The following NEDD4L variants were observed in gnomAD, a reference collection of about 807,000 sequenced individuals.
The protein encoded by NEDD4L is E3 ubiquitin-protein ligase NEDD4-like.
NEDD4L carries 54 observed loss-of-function variants against 148.9 expected under a neutral mutation model. That is an observed-to-expected ratio of 0.36 (90% CI 0.29 to 0.45). The LOEUF is 0.45. Ranked by LOEUF, NEDD4L falls within the 20% of genes least tolerant of loss-of-function variation. The probability of loss-of-function intolerance (pLI) is 1.00; values close to 1 mark genes in which losing one functional copy is unlikely to be tolerated. For synonymous variants in NEDD4L, 433 were observed against 440.7 expected (o/e 0.98, Z 0.22); for missense variants, 856 against 1,233.8 (o/e 0.69, Z 4.59).
At chr18:58,255,771 C>G (rs867942697) in intron 5 of NEDD4L, 1 of 1,232,430 alleles carries the variant, frequency 8.1e-7, no homozygotes, top group Non-Finnish European at 1.0e-6. Flanking sequence ...AGAAGCAGCC[C>G]GCACCCCTTC....
chr18:58,267,976 G>A (rs2050461761), intron 5 of NEDD4L, among the ~76,000 whole-genome samples: 1 of 151,680 alleles, frequency 6.6e-6, no homozygotes, highest in Admixed American at 6.6e-5. Context: ...GTCGTTTTTT[G>A]CCCCTACTGT....
At chr18:58,251,673 C>A (rs909177245) in intron 4 of NEDD4L, among the ~76,000 whole-genome samples, 1 of 152,180 alleles carries the variant, frequency 6.6e-6, no homozygotes, top group Non-Finnish European at 1.5e-5. Context: ...CAGGCATAGA[C>A]ATTTTTTGAT....
intron 5 of NEDD4L, among the ~76,000 whole-genome samples, chr18:58,273,536 C>A (rs1191376263): frequency 1.3e-5 from 2 of 152,140 alleles, no homozygotes; most frequent in East Asian, 3.9e-4. Context: ...TTGCAGACTT[C>A]TTTTTATGTC....
At chr18:58,231,827 G>T (rs140716336) in intron 2 of NEDD4L, among the ~76,000 whole-genome samples, 135 of 152,222 alleles carry the variant, frequency 8.9e-4, no homozygotes, top group African/African-American at 3.2e-3. Flanking sequence ...GCCTCCCAAG[G>T]TGCTGGGATC....
intron 1 of NEDD4L, among the ~76,000 whole-genome samples, chr18:58,052,994 C>A (rs1334798329): frequency 1.3e-5 from 2 of 152,118 alleles, no homozygotes; most frequent in Admixed American, 1.3e-4. Flanking sequence ...GAAACCTGTT[C>A]TGTGAAGGTG....
At chr18:58,222,760 T>C (rs1447650724) in intron 2 of NEDD4L, among the ~76,000 whole-genome samples, 3 of 152,326 alleles carry the variant, frequency 2.0e-5, no homozygotes, top group African/African-American at 7.2e-5. Flanking sequence ...GTATCAACAA[T>C]ATGAAATATC....
At chr18:58,247,587 G>A (rs1405804150) in intron 3 of NEDD4L, 1 of 152,352 alleles carries the variant, frequency 6.6e-6, no homozygotes, top group Non-Finnish European at 1.5e-5. Context: ...TAGCTCTGTA[G>A]CTGGGTTTGC....
At chr18:58,354,333 G>A (rs931954703) in intron 18 of NEDD4L, among the ~76,000 whole-genome samples, 2 of 151,854 alleles carry the variant, frequency 1.3e-5, no homozygotes, top group African/African-American at 2.4e-5. Context: ...AGTCTTACTA[G>A]ACCTGTTCAT....
intron 1 of NEDD4L, among the ~76,000 whole-genome samples, chr18:58,136,321 A>C (rs1029183933): frequency 6.6e-5 from 10 of 152,166 alleles, no homozygotes; most frequent in African/African-American, 2.2e-4. Context: ...CATCTATTTG[A>C]TTTAGCTACT....
intron 6 of NEDD4L, among the ~76,000 whole-genome samples, chr18:58,319,546 G>A (rs1254860995): frequency 6.6e-6 from 1 of 152,180 alleles, no homozygotes; most frequent in African/African-American, 2.4e-5. Context: ...CAGCATTGTG[G>A]CTATTGTGGC....
At chr18:58,198,869 A>G (rs761570493) in intron 2 of NEDD4L, among the ~76,000 whole-genome samples, 12 of 152,222 alleles carry the variant, frequency 7.9e-5, no homozygotes, top group Admixed American at 1.3e-4. Context: ...CAGTGGCGCA[A>G]TCTCCGCTCA....
intron 1 of NEDD4L, among the ~76,000 whole-genome samples, chr18:58,125,361 GT>G (rs1568251546): frequency 4.7e-4 from 16 of 34,090 alleles, no homozygotes; most frequent in African/African-American, 1.8e-3. Context: ...CCAGGAGGGT[GT>G]GTGTGTGTGT....
chr18:58,340,189 G>C (rs1246085948), intron 13 of NEDD4L, among the ~76,000 whole-genome samples: 1 of 152,170 alleles, frequency 6.6e-6, no homozygotes, highest in Non-Finnish European at 1.5e-5. Flanking sequence ...ATCTGTCCCA[G>C]TGCCTCCATA....
intron 1 of NEDD4L, among the ~76,000 whole-genome samples, chr18:58,090,115 G>A (rs899354110): frequency 4.6e-5 from 7 of 152,130 alleles, no homozygotes; most frequent in South Asian, 2.1e-4. Context: ...TGGGATTACC[G>A]GCATAAGCCA....
At position 58,325,063 on chromosome 18, in the gene NEDD4L, C is replaced by T. The variant is rs755092498; in HGVS notation, c.581C>T (p.Pro194Leu). 1.2e-6 allele frequency: 2 copies of T among 1,614,046 alleles called. No homozygotes were observed. The highest frequency in any genetic ancestry group is 1.7e-6 in the Non-Finnish European group (2 of 1,179,878). Residue 194 changes from proline (P) to leucine (L), a missense_variant, in exon 9 of 31, where the codon CCT becomes CTT. By Grantham distance (98) the Pro-to-Leu change is moderately conservative. Coordinates refer to ENST00000400345, the MANE Select transcript of NEDD4L (RefSeq NM_001144967.3). The part of the protein sequence containing the change: ...SQHQEELPPP[P>L]LPPGWEEKVD... Reference sequence around the variant, plus strand: ...CACCAAGAGGAACTTCCTCCTCCTCCTCTGCCTCCCGGGTGGGAAGAAAAA... The same window carrying T: ...CACCAAGAGGAACTTCCTCCTCCTCTTCTGCCTCCCGGGTGGGAAGAAAAA...
intron 1 of NEDD4L, among the ~76,000 whole-genome samples, chr18:58,066,036 A>G (rs939830937): frequency 3.9e-5 from 6 of 152,248 alleles, no homozygotes; most frequent in Admixed American, 1.3e-4. Context: ...TTTAATATTC[A>G]TATCTCATAG....
rs180713470 is a variant in NEDD4L, at chr18:58,272,917, A to C, written c.297+20863A>C. On this transcript the variant is annotated intron_variant, in intron 5 of 30. Coordinates refer to ENST00000400345, the MANE Select transcript of NEDD4L (RefSeq NM_001144967.3). ...AGTCAAATACCTACATATTTTCATGAATGTGCCAAAGGAGGCAAACAGGAA... is the reference window on the plus strand; with the variant it reads ...AGTCAAATACCTACATATTTTCATGCATGTGCCAAAGGAGGCAAACAGGAA... Among the ~76,000 whole-genome samples the C allele has an allele frequency of 2.2e-4, 33 of 152,316 alleles. No homozygotes were observed. The East Asian group carries it at 5.6e-3, about 26-fold the overall frequency.
chr18:58,375,156 G>A (rs968213488), intron 24 of NEDD4L, among the ~76,000 whole-genome samples: 15 of 151,586 alleles, frequency 9.9e-5, no homozygotes, highest in African/African-American at 1.5e-4. Flanking sequence ...CCATCTCCCC[G>A]TGCCCAGGCT....
At position 58,315,057 on chromosome 18, in the gene NEDD4L, A is replaced by C. The variant is rs4941387; in HGVS notation, c.298-925A>C. 4.7e-3 allele frequency among the ~76,000 whole-genome samples: 714 copies of C among 152,326 alleles called. 17 individuals carry two copies. The highest frequency in any genetic ancestry group is 0.044 in the Admixed American group (671 of 15,302). ...CCTTCTTAGGTGGCTCAAGCTGGCT[A>C]TGGGGCTGGTCTCATCATATCTAAA... On this transcript the variant is annotated intron_variant, in intron 5 of 30. Coordinates refer to ENST00000400345, the MANE Select transcript of NEDD4L (RefSeq NM_001144967.3).
Sources: gnomAD v4.1 joint callset for allele counts (sites outside exome capture counted in the v4.1 genomes callset) on GRCh38, gnomAD v4.1.1 for gene constraint, MANE v1.5 for transcripts, NCBI Gene and HGNC (gene_info 2026-07-23, HGNC 2026-07-21) for gene names.